AK5: variants seen among roughly 807,000 people sequenced by gnomAD.
AK5 encodes adenylate kinase isoenzyme 5.
AK5 carries 27 observed loss-of-function variants against 69.5 expected under a neutral mutation model. The observed-to-expected ratio is 0.39, with a 90% CI of 0.29 to 0.54. The LOEUF (loss-of-function observed/expected upper bound fraction) is 0.54, where lower values mean the gene tolerates loss of function less well. AK5 is among the 20% of genes least tolerant of loss of function. The pLI is 0.71. For missense variants in AK5, 531 were observed against 700.4 expected (o/e 0.76, Z 2.73); for synonymous variants, 260 against 244.4 (o/e 1.06, Z -0.60).
chr1:77,285,314 T>G (rs1557461481), intron 1 of AK5, among the ~76,000 whole-genome samples: 1 of 152,204 alleles, frequency 6.6e-6, no homozygotes, highest in Non-Finnish European at 1.5e-5. Flanking sequence ...GGACAGATTT[T>G]GACAAACAAA....
In AK5 at chr1:77,297,948, G is replaced by A. The variant is rs113646551; in HGVS notation, c.699+1G>A. On this transcript the variant is annotated splice_donor_variant, in intron 5 of 13. Coordinates refer to ENST00000354567, the MANE Select transcript of AK5 (RefSeq NM_174858.3). LOFTEE classifies it high-confidence loss of function. Reference sequence around the variant, plus strand: ...CCAGGCTCTATCTTTTGAGGACCAAGTAAGAATATCTCCTTATATTTTAAA... The same window carrying A: ...CCAGGCTCTATCTTTTGAGGACCAAATAAGAATATCTCCTTATATTTTAAA... 1 of 1,592,866 alleles carries A rather than the reference G, an allele frequency of 6.3e-7. No homozygotes were observed. The highest frequency in any genetic ancestry group is 8.6e-7 in the Non-Finnish European group (1 of 1,168,120).
chr1:77,425,796 G>C (rs1049013648), intron 8 of AK5, among the ~76,000 whole-genome samples: 1 of 152,134 alleles, frequency 6.6e-6, no homozygotes, highest in Admixed American at 6.5e-5. Context: ...TTATGTGTAA[G>C]TGAAATAAAT....
intron 5 of AK5, among the ~76,000 whole-genome samples, chr1:77,310,012 C>T (rs1557484527): frequency 6.6e-6 from 1 of 151,962 alleles, no homozygotes; most frequent in African/African-American, 2.4e-5. Flanking sequence ...AGAAAGTGTT[C>T]CCCATAATCT....
At chr1:77,322,885 C>A (rs1660606438) in intron 5 of AK5, among the ~76,000 whole-genome samples, 1 of 152,158 alleles carries the variant, frequency 6.6e-6, no homozygotes, top group Non-Finnish European at 1.5e-5. Context: ...TTTTAATTTT[C>A]CAAATGCCCT....
intron 5 of AK5, among the ~76,000 whole-genome samples, chr1:77,324,751 G>A (rs571755150): frequency 5.5e-4 from 83 of 151,894 alleles, no homozygotes; most frequent in Admixed American, 1.1e-3. Context: ...TAGTTAAAGG[G>A]GCATGAGGCG....
intron 11 of AK5, among the ~76,000 whole-genome samples, chr1:77,519,344 G>C: frequency 6.6e-6 from 1 of 152,080 alleles, no homozygotes; most frequent in East Asian, 1.9e-4. Flanking sequence ...GCTGCACTCT[G>C]TTTCCCACCT....
rs748126137 is a variant in AK5, at chr1:77,340,423, G to A, written c.746G>A (p.Arg249Lys). The change falls in exon 6 of 14, where the codon AGA becomes AAA. Residue 249 changes from arginine to lysine, a missense_variant. Transcript: ENST00000354567. Reference protein sequence around the residue: ...LVVFLACANQRLKERLLKRAE... With the variant: ...LVVFLACANQKLKERLLKRAE... ...GTATTCCTGGCTTGTGCTAATCAGA[G>A]ACTCAAAGAAAGATTACTGAAGCGT... is the stretch of plus-strand genomic sequence containing the variant. 2 of 1,614,032 alleles carry A rather than the reference G, an allele frequency of 1.2e-6. No homozygotes were observed. Among genetic ancestry groups the A allele is most frequent in the South Asian group, 1.1e-5 (1 of 91,072 alleles).
At chr1:77,439,309 A>C (rs966824189) in intron 8 of AK5, among the ~76,000 whole-genome samples, 1 of 152,202 alleles carries the variant, frequency 6.6e-6, no homozygotes, top group African/African-American at 2.4e-5. Context: ...CATATTGTAC[A>C]TATGGGGAAC....
At position 77,429,987 on chromosome 1, in the gene AK5, A is replaced by G. The variant is rs139776608; in HGVS notation, c.1059+12272A>G. The stretch of plus-strand genomic sequence containing the variant: ...GGTTAGGGGTTTTGACTTTATCCTA[A>G]GAGCAATGGGGAACCTTGAAGAGTT... On this transcript the variant is annotated intron_variant, in intron 8 of 13. Coordinates refer to ENST00000354567, the MANE Select transcript of AK5 (RefSeq NM_174858.3). Among the ~76,000 whole-genome samples the G allele has an allele frequency of 2.0e-5, 3 of 152,312 alleles. No individual in the cohort carries two copies. The East Asian group carries it at 5.8e-4, about 29-fold the overall frequency.
At chr1:77,519,708 G>A (rs1385914476) in intron 11 of AK5, among the ~76,000 whole-genome samples, 1 of 152,182 alleles carries the variant, frequency 6.6e-6, no homozygotes, top group Non-Finnish European at 1.5e-5. Flanking sequence ...ACCATATAGG[G>A]TAACTTCCTG....
chr1:77,282,733 T>A (rs1658131323), intron 1 of AK5: 1 of 1,042,210 alleles, frequency 9.6e-7, no homozygotes, highest in Non-Finnish European at 1.2e-6. Flanking sequence ...GGCTGCACTG[T>A]CGCCCAGCAG....
intron 8 of AK5, among the ~76,000 whole-genome samples, chr1:77,480,226 G>T (rs1436444461): frequency 6.6e-6 from 1 of 151,774 alleles, no homozygotes; most frequent in African/African-American, 2.4e-5. Flanking sequence ...AGAGTCCCTG[G>T]TTACACCCTC....
chr1:77,535,712 C>T, intron 12 of AK5, 135 bp from the exon 13 acceptor site: 1 of 721,094 alleles, frequency 1.4e-6, no homozygotes, highest in Non-Finnish European at 2.2e-6. Context: ...CCAGTCCCAG[C>T]TGCACCATAG....
chr1:77,361,009 T>A (rs1331267150), intron 6 of AK5, among the ~76,000 whole-genome samples: 2 of 152,090 alleles, frequency 1.3e-5, no homozygotes, highest in Non-Finnish European at 2.9e-5. Context: ...TAAAGACCAA[T>A]GCAAGCCCAC....
intron 8 of AK5, among the ~76,000 whole-genome samples, chr1:77,478,634 G>A (rs1209036677): frequency 6.6e-6 from 1 of 152,118 alleles, no homozygotes; most frequent in Admixed American, 6.5e-5. Context: ...ACAATCTACT[G>A]TGGCAATGCC....
intron 10 of AK5, among the ~76,000 whole-genome samples, chr1:77,510,549 C>G (rs1353133061): frequency 6.6e-6 from 1 of 151,930 alleles, no homozygotes; most frequent in African/African-American, 2.4e-5. Flanking sequence ...AAAAAGAATA[C>G]AAAGATAACT....
At chr1:77,526,582 T>C (rs930081515) in intron 12 of AK5, among the ~76,000 whole-genome samples, 73 of 148,758 alleles carry the variant, frequency 4.9e-4, no homozygotes, top group Non-Finnish European at 1.0e-3. Context: ...TTCACGCCAT[T>C]CTCCTGCCTC....
At chr1:77,541,659 C>T (rs901424231) in intron 13 of AK5, among the ~76,000 whole-genome samples, 4 of 152,114 alleles carry the variant, frequency 2.6e-5, no homozygotes, top group Admixed American at 1.3e-4. Flanking sequence ...CACAGCAGGC[C>T]CTAGAAGGCG....
At chr1:77,440,179 T>C (rs1652237231) in intron 8 of AK5, among the ~76,000 whole-genome samples, 1 of 150,872 alleles carries the variant, frequency 6.6e-6, no homozygotes, top group Non-Finnish European at 1.5e-5. Flanking sequence ...GCTTTCAAAT[T>C]TTCTCAGTTT....
Sources: allele counts gnomAD v4.1 joint callset (sites outside exome capture counted in the v4.1 genomes callset), GRCh38; gene constraint gnomAD v4.1.1; transcripts MANE v1.5; gene names NCBI Gene and HGNC (gene_info 2026-07-23, HGNC 2026-07-21).